The following CDC42BPA variants were observed in gnomAD, a reference collection of about 807,000 sequenced individuals.
CDC42BPA encodes CDC42 binding protein kinase alpha, also known as serine/threonine-protein kinase MRCK alpha.
A neutral mutation model predicts 223.5 loss-of-function variants in CDC42BPA; 80 were observed. That is an observed-to-expected ratio of 0.36 (90% CI 0.30 to 0.43). CDC42BPA has a LOEUF of 0.43. Ranked by LOEUF, CDC42BPA falls within the 20% of genes least tolerant of loss-of-function variation. The probability of loss-of-function intolerance (pLI) is 1.00; values close to 1 mark genes in which losing one functional copy is unlikely to be tolerated. For synonymous variants in CDC42BPA, 694 were observed against 718.6 expected, an observed-to-expected ratio of 0.97 and a Z score of 0.55; for missense variants, 1,743 against 2,099.9, an observed-to-expected ratio of 0.83 and a Z score of 3.32.
chr1:227,216,954 A>C (rs1343752496), intron 2 of CDC42BPA, among the ~76,000 whole-genome samples: 1 of 152,234 alleles, frequency 6.6e-6, no homozygotes, highest in Admixed American at 6.5e-5. Flanking sequence ...AAATGTATAC[A>C]AATCAGTTCT....
intron 1 of CDC42BPA, among the ~76,000 whole-genome samples, chr1:227,288,694 T>G (rs991392095): frequency 2.0e-5 from 3 of 151,930 alleles, no homozygotes; most frequent in Admixed American, 6.6e-5. Flanking sequence ...AGACTCGGTC[T>G]CAAAAAAAAA....
intron 14 of CDC42BPA, among the ~76,000 whole-genome samples, chr1:227,104,342 G>T (rs536513846): frequency 6.6e-6 from 1 of 152,194 alleles, no homozygotes; most frequent in East Asian, 1.9e-4. Context: ...ATACTGCAAA[G>T]AATTTTTAAA....
intron 5 of CDC42BPA, among the ~76,000 whole-genome samples, chr1:227,162,425 T>C (rs1447192409): frequency 6.6e-6 from 1 of 152,224 alleles, no homozygotes; most frequent in East Asian, 1.9e-4. Context: ...TTTTACACTA[T>C]TATGCCTATA....
At chr1:227,045,898 C>G (rs1672338582) in intron 23 of CDC42BPA, among the ~76,000 whole-genome samples, 1 of 152,092 alleles carries the variant, frequency 6.6e-6, no homozygotes, top group Non-Finnish European at 1.5e-5. Flanking sequence ...CCTTGACCTC[C>G]CAGGCTCAAG....
intron 19 of CDC42BPA, among the ~76,000 whole-genome samples, chr1:227,073,111 G>T (rs1399363861): frequency 2.0e-5 from 3 of 151,998 alleles, no homozygotes; most frequent in African/African-American, 7.2e-5. Flanking sequence ...TGAATTCATG[G>T]GCCTGCATTT....
At chr1:227,248,010 G>C (rs1291869536) in intron 2 of CDC42BPA, among the ~76,000 whole-genome samples, 1 of 152,016 alleles carries the variant, frequency 6.6e-6, no homozygotes, top group Non-Finnish European at 1.5e-5. Flanking sequence ...GCAGAAGCAA[G>C]AATTAGTGAG....
chr1:227,154,197 G>A (rs2313499), intron 6 of CDC42BPA, among the ~76,000 whole-genome samples: 127,933 of 151,906 alleles, frequency 0.84, 54,166 homozygotes, highest in Middle Eastern at 0.91. Context: ...TGGATGCAGA[G>A]AAGTAATTTA....
intron 1 of CDC42BPA, among the ~76,000 whole-genome samples, chr1:227,259,660 A>G (rs1572692169): frequency 6.6e-6 from 1 of 151,026 alleles, no homozygotes; most frequent in East Asian, 1.9e-4. Flanking sequence ...TTAATATTAT[A>G]AGGCCTAAAC....
chr1:227,100,634 A>G (rs956817769), intron 15 of CDC42BPA, among the ~76,000 whole-genome samples: 1 of 151,264 alleles, frequency 6.6e-6, no homozygotes, highest in African/African-American at 2.4e-5. Context: ...ATAGGGTTTT[A>G]CTATGTTGCC....
intron 10 of CDC42BPA, among the ~76,000 whole-genome samples, chr1:227,129,702 C>CGCATATATATATATATAT (rs1414504695): frequency 9.9e-5 from 7 of 70,942 alleles, no homozygotes; most frequent in Admixed American, 3.0e-4. Context: ...AAATCCACTG[C>CGCATATATATATATATAT]ATATATATAT....
chr1:227,024,231 C>G (rs775364036), intron 31 of CDC42BPA, among the ~76,000 whole-genome samples: 2 of 152,146 alleles, frequency 1.3e-5, no homozygotes, highest in Non-Finnish European at 2.9e-5. Context: ...AGACTTTCAA[C>G]TACACAGTTA....
At chr1:227,225,247 A>G (rs1211405143) in intron 2 of CDC42BPA, among the ~76,000 whole-genome samples, 1 of 152,212 alleles carries the variant, frequency 6.6e-6, no homozygotes, top group Non-Finnish European at 1.5e-5. Flanking sequence ...AGTGGGTATC[A>G]ATCCTGTGTA....
At chr1:227,132,913 G>A (rs1487766758) in intron 10 of CDC42BPA, among the ~76,000 whole-genome samples, 2 of 150,410 alleles carry the variant, frequency 1.3e-5, no homozygotes, top group Admixed American at 6.6e-5. Flanking sequence ...CCGACTGAGA[G>A]GTGAGGAGCC....
chr1:227,268,260 A>G (rs1189417307), intron 1 of CDC42BPA, among the ~76,000 whole-genome samples: 1 of 152,188 alleles, frequency 6.6e-6, no homozygotes, highest in Non-Finnish European at 1.5e-5. Context: ...TGCTTTCACG[A>G]CATAAGGGCT....
intron 1 of CDC42BPA, among the ~76,000 whole-genome samples, chr1:227,256,468 C>A (rs1369535752): frequency 6.6e-6 from 1 of 151,826 alleles, no homozygotes; most frequent in Non-Finnish European, 1.5e-5. Flanking sequence ...ACATGTATCC[C>A]AGAACTTAAA....
intron 1 of CDC42BPA, among the ~76,000 whole-genome samples, chr1:227,301,804 A>T (rs1253915952): frequency 6.6e-6 from 1 of 152,234 alleles, no homozygotes; most frequent in Admixed American, 6.5e-5. Flanking sequence ...CACCAAAAAA[A>T]AAATTCCCTT....
Position 227,103,272 on chromosome 1 carries a change from G to A in CDC42BPA, c.2002-2033C>T, listed in dbSNP as rs529671806. Reference sequence around the variant, plus strand: ...GTGAAATGTGTTAGAATTGATAGTTGAGTAAAGCAATAGCATATAAGATAA... The same window carrying A: ...GTGAAATGTGTTAGAATTGATAGTTAAGTAAAGCAATAGCATATAAGATAA... On this transcript the variant is annotated intron_variant, in intron 14 of 36. Transcript: ENST00000366766. Among the ~76,000 whole-genome samples the A allele has an allele frequency of 5.9e-5, 9 of 152,132 alleles. No homozygotes were observed. The South Asian group carries it at 1.9e-3, about 32-fold the overall frequency.
intron 2 of CDC42BPA, 103 bp downstream of exon 2, chr1:227,253,961 T>A: frequency 1.4e-6 from 1 of 739,870 alleles, no homozygotes; most frequent in Non-Finnish European, 2.4e-6. Flanking sequence ...ACAAATATTG[T>A]TTAACAAGTA....
At chr1:227,214,178 T>C (rs541846708) in intron 2 of CDC42BPA, among the ~76,000 whole-genome samples, 20 of 151,760 alleles carry the variant, frequency 1.3e-4, no homozygotes, top group Non-Finnish European at 2.9e-4. Flanking sequence ...AACGGGATAT[T>C]TCCAAAAACA....
Sources: allele counts gnomAD v4.1 joint callset (sites outside exome capture counted in the v4.1 genomes callset), GRCh38; gene constraint gnomAD v4.1.1; transcripts MANE v1.5; gene names NCBI Gene and HGNC (gene_info 2026-07-23, HGNC 2026-07-21).